RNF111: variants seen among roughly 807,000 people sequenced by gnomAD.
RNF111 encodes E3 ubiquitin-protein ligase Arkadia.
RNF111 carries 17 observed loss-of-function variants against 95.1 expected under a neutral mutation model. The observed-to-expected ratio is 0.18, with a 90% CI of 0.12 to 0.27. The LOEUF (loss-of-function observed/expected upper bound fraction) is 0.27, where lower values mean the gene tolerates loss of function less well. Ranked by LOEUF, RNF111 falls within the 10% of genes least tolerant of loss-of-function variation. RNF111 has a pLI of 1.00. For synonymous variants in RNF111, 440 were observed against 414.8 expected (o/e 1.06, Z -0.74); for missense variants, 1,189 against 1,210.4 (o/e 0.98, Z 0.26).
intron 6 of RNF111, among the ~76,000 whole-genome samples, chr15:59,072,575 C>G (rs576295703): frequency 3.7e-4 from 56 of 151,022 alleles, no homozygotes; most frequent in Non-Finnish European, 8.0e-4. Flanking sequence ...CTCAGCCTCC[C>G]AAGTAGCTGG....
intron 1 of RNF111, among the ~76,000 whole-genome samples, chr15:59,005,507 T>A (rs1216980210): frequency 1.3e-5 from 2 of 152,214 alleles, no homozygotes; most frequent in African/African-American, 4.8e-5. Flanking sequence ...GTCATCTTTT[T>A]AATTTAGTTT....
rs567801014 is a variant in RNF111 at position 59,013,795 on chromosome 15, C to CT, written c.-19-17000dup. Among the ~76,000 whole-genome samples the CT allele has an allele frequency of 9.5e-3, 1,433 of 150,658 alleles. 16 individuals carry two copies. The highest frequency in any genetic ancestry group is 0.018 in the African/African-American group (757 of 41,106). On this transcript the variant is annotated intron_variant, in intron 1 of 13. Transcript: ENST00000348370. ...GGATTCATGGATATTCATTTTTTTT[C>CT]TTTTTTTTTGGAGACAAGAGTCTCA...
At chr15:58,997,863 T>G (rs1317137437) in intron 1 of RNF111, among the ~76,000 whole-genome samples, 1 of 151,924 alleles carries the variant, frequency 6.6e-6, no homozygotes, top group Non-Finnish European at 1.5e-5. Context: ...TTTTGATTCT[T>G]GAGCACATGT....
At position 59,065,793 on chromosome 15, in the gene RNF111, G is replaced by A. The variant is rs925086237; in HGVS notation, c.1367-971G>A. On this transcript the variant is annotated intron_variant, in intron 5 of 13. Transcript: ENST00000348370. Reference sequence around the variant, plus strand: ...ATGCTGAGGTGGGCGGATCACCTGAGCTCTGGAAGGAGCTTAAGACCAGCC... The same window carrying A: ...ATGCTGAGGTGGGCGGATCACCTGAACTCTGGAAGGAGCTTAAGACCAGCC... Among the ~76,000 whole-genome samples the A allele has an allele frequency of 2.0e-5, 3 of 152,178 alleles. No homozygotes were observed. In the South Asian group the frequency reaches 6.2e-4, roughly 32 times the overall value.
rs769340593 is a variant in RNF111, at chr15:59,031,307, C to T, written c.485C>T (p.Ser162Phe). Residue 162 changes from serine (S) to phenylalanine (F), a missense_variant, in exon 2 of 14, where the codon TCT becomes TTT. Transcript: ENST00000348370. ...ACTTCAGATGAGGATAAAGAAGTCT[C>T]TGTAAGACATTCCCAGACCATTTTG... is the stretch of plus-strand genomic sequence containing the variant. ...TVTSDEDKEV[S>F]VRHSQTILNA... is the part of the protein sequence containing the mutation. The T allele has an allele frequency of 6.2e-7, 1 of 1,614,140 alleles. No homozygotes were observed. The highest frequency in any genetic ancestry group is 8.5e-7 in the Non-Finnish European group (1 of 1,180,018).
At chr15:59,007,521 A>G (rs1374704440) in intron 1 of RNF111, among the ~76,000 whole-genome samples, 1 of 152,204 alleles carries the variant, frequency 6.6e-6, no homozygotes, top group Non-Finnish European at 1.5e-5. Flanking sequence ...TAAAGCGATG[A>G]ACATTCATAT....
chr15:59,051,484 G>T (rs1356574847), intron 2 of RNF111, among the ~76,000 whole-genome samples: 1 of 135,178 alleles, frequency 7.4e-6, no homozygotes, highest in South Asian at 2.4e-4. Context: ...AAAAAAAAAA[G>T]ACAAATTTTG....
chr15:59,030,634 C>T (rs903010332), intron 1 of RNF111, among the ~76,000 whole-genome samples, 170 bp from the exon 2 acceptor site: 8 of 151,844 alleles, frequency 5.3e-5, no homozygotes, highest in Non-Finnish European at 1.0e-4. Context: ...CAGAGAAAAA[C>T]GTTTTATAAG....
At chr15:59,088,451 G>C (rs1336261737) in intron 10 of RNF111, among the ~76,000 whole-genome samples, 1 of 152,186 alleles carries the variant, frequency 6.6e-6, no homozygotes, top group Non-Finnish European at 1.5e-5. Context: ...TAAGTAATAG[G>C]CTATTGAAGG....
At position 59,053,405 on chromosome 15, in the gene RNF111, TTG is replaced by T. The variant is rs2042073816; in HGVS notation, c.1007+978_1007+979del. Among the ~76,000 whole-genome samples, 3 of 152,324 alleles carry T rather than the reference TTG, an allele frequency of 2.0e-5. No homozygotes were observed. In the South Asian group the frequency reaches 6.2e-4, roughly 32 times the overall value. ...TAATCTAACGGATGAATCTTAATTT[TTG>T]TGTTGGAACGAATTTAGAAGTGCAT... is the stretch of plus-strand genomic sequence containing the variant. On this transcript the variant is annotated intron_variant, in intron 3 of 13. Transcript: ENST00000348370.
intron 13 of RNF111, chr15:59,093,484 T>C (rs1472169226): frequency 2.3e-6 from 1 of 426,728 alleles, no homozygotes; most frequent in Admixed American, 2.9e-5. Context: ...ATGCTGGGAT[T>C]ACAGGCGTAA....
chr15:59,084,663 C>T (rs908287393), intron 9 of RNF111, among the ~76,000 whole-genome samples: 7 of 151,986 alleles, frequency 4.6e-5, no homozygotes, highest in Admixed American at 2.6e-4. Context: ...ATAAACGGTA[C>T]GTTATTCTTC....
intron 5 of RNF111, among the ~76,000 whole-genome samples, chr15:59,061,273 C>T (rs1481718942): frequency 6.6e-6 from 1 of 152,136 alleles, no homozygotes; most frequent in Non-Finnish European, 1.5e-5. Flanking sequence ...CTTCCAGGAC[C>T]CTATGGAACA....
intron 4 of RNF111, among the ~76,000 whole-genome samples, chr15:59,057,825 TC>T (rs1267680843): frequency 6.6e-6 from 1 of 152,194 alleles, no homozygotes; most frequent in Non-Finnish European, 1.5e-5. Flanking sequence ...TAATGACAGT[TC>T]TATGAAGAAA....
At chr15:58,994,951 T>C (rs1482358009) in intron 1 of RNF111, among the ~76,000 whole-genome samples, 1 of 152,238 alleles carries the variant, frequency 6.6e-6, no homozygotes, top group African/African-American at 2.4e-5. Context: ...TTTTCCAGTT[T>C]TGTCGAATTG....
rs1312799033 is a variant in RNF111, at chr15:59,082,497, TC to T, written c.2297+1214del. ...TCAAGTTTATGAAAATCCTTTTTTTTCTTTTGATTATTCAGGATCTGATTTT... is the reference window on the plus strand; with the variant it reads ...TCAAGTTTATGAAAATCCTTTTTTTTTTTTGATTATTCAGGATCTGATTTT... On this transcript the variant is annotated intron_variant, in intron 8 of 13. Coordinates refer to ENST00000348370, the MANE Select transcript of RNF111 (RefSeq NM_017610.8). Among the ~76,000 whole-genome samples, 8 of 152,350 alleles carry T rather than the reference TC, an allele frequency of 5.3e-5. No homozygotes were observed. In the East Asian group the frequency reaches 1.5e-3, roughly 29 times the overall value.
intron 10 of RNF111, among the ~76,000 whole-genome samples, chr15:59,088,487 C>A (rs2078959886): frequency 6.6e-6 from 1 of 152,168 alleles, no homozygotes. Flanking sequence ...TATTTAAATT[C>A]TTTTCCACAT....
Position 59,000,407 on chromosome 15 carries a change from T to G in RNF111, c.-20+12339T>G, listed in dbSNP as rs746955942. Among the ~76,000 whole-genome samples the G allele has an allele frequency of 3.3e-5, 5 of 151,894 alleles. No homozygotes were observed. The South Asian group carries it at 1.0e-3, about 32-fold the overall frequency. On this transcript the variant is annotated intron_variant, in intron 1 of 13. Coordinates refer to ENST00000348370, the MANE Select transcript of RNF111 (RefSeq NM_017610.8). ...CAAACTGCTAGGCACCCGGCCCATT[T>G]TTAAGATTATGAAGGACCTCAGGAC...
At chr15:59,084,621 G>A (rs1381070325) in intron 9 of RNF111, among the ~76,000 whole-genome samples, 4 of 152,132 alleles carry the variant, frequency 2.6e-5, no homozygotes, top group Non-Finnish European at 4.4e-5. Flanking sequence ...TTTGTGGTGA[G>A]TATATTTAAA....
Sources: gnomAD v4.1 joint callset for allele counts (sites outside exome capture counted in the v4.1 genomes callset) on GRCh38, gnomAD v4.1.1 for gene constraint, MANE v1.5 for transcripts, NCBI Gene and HGNC (gene_info 2026-07-23, HGNC 2026-07-21) for gene names.